FAM163B: variants seen among roughly 807,000 people sequenced by gnomAD.
FAM163B encodes protein FAM163B.
FAM163B carries 4 observed loss-of-function variants against 7.6 expected under a neutral mutation model. That is an observed-to-expected ratio of 0.52 (90% CI 0.26 to 1.20). FAM163B has a LOEUF of 1.20. FAM163B is among the 50% of genes most tolerant of loss of function. FAM163B has a pLI of 0.14. For missense variants in FAM163B, 250 were observed against 243.0 expected (o/e 1.03, Z -0.19); for synonymous variants, 120 against 111.6 (o/e 1.07, Z -0.47).
chr9:133,580,337 G>T, intron 1 of FAM163B, 91 bp from the exon 2 acceptor site: 2 of 1,022,338 alleles, frequency 2.0e-6, no homozygotes, highest in Non-Finnish European at 2.9e-6. Flanking sequence ...GACAAGCTGA[G>T]GGGAAAAAAG....
At position 133,579,166 on chromosome 9, in the gene FAM163B, C is replaced by T. The variant is rs763970379; in HGVS notation, c.357G>A (p.Glu119=). Residue 119 remains glutamate (E), a synonymous_variant, in exon 3 of 3, where the codon GAG becomes GAA. Coordinates refer to ENST00000673969, the MANE Select transcript of FAM163B (RefSeq NM_001080515.3). ...GGCTCACGCTCTTGTAGAGCACGCG[C>T]TCCCCGCCGTTCAGCACGTCCTCTT... ...EEEEDVLNGG[E]RVLYKSVSQE... is the part of the protein sequence containing the mutation. 1.8e-5 allele frequency: 29 copies of T among 1,610,820 alleles called. No individual in the cohort carries two copies. The highest frequency in any genetic ancestry group is 5.9e-6 in the Non-Finnish European group (7 of 1,179,794).
chr9:133,605,343 G>A (rs1225295496), intron 1 of FAM163B, among the ~76,000 whole-genome samples: 1 of 152,230 alleles, frequency 6.6e-6, no homozygotes, highest in Non-Finnish European at 1.5e-5. Flanking sequence ...AGCTACAGAA[G>A]CTGTGCTCTT....
intron 1 of FAM163B, among the ~76,000 whole-genome samples, chr9:133,603,070 G>A (rs997791038): frequency 1.3e-5 from 2 of 152,224 alleles, no homozygotes; most frequent in Admixed American, 6.5e-5. Flanking sequence ...GCAGGTGCTC[G>A]CCTTCGGATT....
intron 1 of FAM163B, among the ~76,000 whole-genome samples, chr9:133,603,010 G>C (rs371030485): frequency 2.0e-5 from 3 of 152,312 alleles, no homozygotes; most frequent in Non-Finnish European, 4.4e-5. Flanking sequence ...CAGGGCGGAG[G>C]GGGGGCCAGC....
intron 1 of FAM163B, among the ~76,000 whole-genome samples, chr9:133,602,369 T>C (rs1831741265): frequency 6.6e-6 from 1 of 152,190 alleles, no homozygotes; most frequent in South Asian, 2.1e-4. Flanking sequence ...GATTGAGCTG[T>C]GGGGTCCCAC....
intron 1 of FAM163B, among the ~76,000 whole-genome samples, chr9:133,581,749 C>G (rs1362303999): frequency 3.9e-5 from 6 of 152,208 alleles, no homozygotes; most frequent in Non-Finnish European, 5.9e-5. Context: ...ATCAGTGTTT[C>G]TCCTCTAAAC....
rs773430083 is a variant in FAM163B at position 133,579,162 on chromosome 9, C to T, written c.361G>A (p.Val121Met). 6.2e-6 allele frequency: 10 copies of T among 1,610,394 alleles called. No homozygotes were observed. The highest frequency in any genetic ancestry group is 2.7e-5 in the African/African-American group (2 of 74,908). Residue 121 changes from valine to methionine, a missense_variant, in exon 3 of 3, where the codon GTG becomes ATG. Physicochemically the swap from Val to Met is conservative, Grantham distance 21. Coordinates refer to ENST00000673969, the MANE Select transcript of FAM163B (RefSeq NM_001080515.3). ...EEDVLNGGER[V>M]LYKSVSQEDV... ...TCCTGGCTCACGCTCTTGTAGAGCA[C>T]GCGCTCCCCGCCGTTCAGCACGTCC...
intron 1 of FAM163B, among the ~76,000 whole-genome samples, chr9:133,584,269 T>C (rs6422851): frequency 2.6e-4 from 40 of 152,070 alleles, no homozygotes; most frequent in African/African-American, 8.9e-4. Context: ...ACCCCAGGAC[T>C]CTACTCAGCT....
chr9:133,590,344 G>A (rs894371507), intron 1 of FAM163B, among the ~76,000 whole-genome samples: 2 of 150,556 alleles, frequency 1.3e-5, no homozygotes, highest in African/African-American at 2.4e-5. Context: ...GAAGGCGGAC[G>A]GGAGGGAGGG....
chr9:133,582,104 G>A (rs1831364830), intron 1 of FAM163B, among the ~76,000 whole-genome samples: 1 of 152,136 alleles, frequency 6.6e-6, no homozygotes, highest in South Asian at 2.1e-4. Flanking sequence ...CCCTTTATCA[G>A]GGATCAGAAT....
In FAM163B at chr9:133,577,331, C is replaced by A. The variant is rs1209266043; in HGVS notation, c.*1691G>T. Among the ~76,000 whole-genome samples the A allele has an allele frequency of 1.5e-5, 2 of 136,706 alleles. No homozygotes were observed. The highest frequency in any genetic ancestry group is 3.1e-5 in the Non-Finnish European group (2 of 64,334). 89.7% of individuals were successfully genotyped at this position (136,706 alleles called of 152,430 possible). On this transcript the variant is annotated 3_prime_UTR_variant, in exon 3 of 3. Transcript: ENST00000673969. Reference sequence around the variant, plus strand: ...CATCAGAAACAGACTTCACAGGATGCACAGAGGAAGCCAGAGGTGTGGGCG... The same window carrying A: ...CATCAGAAACAGACTTCACAGGATGAACAGAGGAAGCCAGAGGTGTGGGCG...
intron 1 of FAM163B, among the ~76,000 whole-genome samples, chr9:133,603,010 G>A (rs371030485): frequency 3.3e-5 from 5 of 152,194 alleles, no homozygotes; most frequent in East Asian, 3.8e-4. Context: ...CAGGGCGGAG[G>A]GGGGGCCAGC....
In FAM163B at chr9:133,578,215, C is replaced by A. The variant is rs1318503679; in HGVS notation, c.*807G>T. On this transcript the variant is annotated 3_prime_UTR_variant, in exon 3 of 3. Coordinates refer to ENST00000673969, the MANE Select transcript of FAM163B (RefSeq NM_001080515.3). ...CCCGGGCTGCCTCCGTTCACTGCCGCTTGCTGGCCCTGTTTCTGGCTGAGC... is the reference window on the plus strand; with the variant it reads ...CCCGGGCTGCCTCCGTTCACTGCCGATTGCTGGCCCTGTTTCTGGCTGAGC... Among the ~76,000 whole-genome samples, 1 of 152,206 alleles carries A rather than the reference C, an allele frequency of 6.6e-6. No individual in the cohort carries two copies. The highest frequency in any genetic ancestry group is 1.5e-5 in the Non-Finnish European group (1 of 68,040).
rs757446375 is a variant in FAM163B, at chr9:133,606,282, C to T, written c.-24+2795G>A. On this transcript the variant is annotated intron_variant, in intron 1 of 2. Coordinates refer to ENST00000673969, the MANE Select transcript of FAM163B (RefSeq NM_001080515.3). The surrounding 1 kb of genome is among the most constrained non-coding windows in gnomAD (Gnocchi z 4.0). ...CCCCTCTCCAGCAACCCCCAGCAAG[C>T]GGGGATTGGGCCAAGGCCTGCGGGA... Among the ~76,000 whole-genome samples, 8 of 152,328 alleles carry T rather than the reference C, an allele frequency of 5.3e-5. No individual in the cohort carries two copies. The highest frequency in any genetic ancestry group is 2.1e-4 in the South Asian group (1 of 4,820).
At chr9:133,608,299 C>T (rs1357080982) in intron 1 of FAM163B, among the ~76,000 whole-genome samples, 2 of 152,222 alleles carry the variant, frequency 1.3e-5, no homozygotes, top group East Asian at 1.9e-4. Flanking sequence ...GGCAGGACCA[C>T]TTGTGCCCAG....
chr9:133,588,645 G>A (rs559856428), intron 1 of FAM163B, among the ~76,000 whole-genome samples: 1 of 149,790 alleles, frequency 6.7e-6, no homozygotes, highest in Non-Finnish European at 1.5e-5. Flanking sequence ...GATCTAGCAG[G>A]TTGAAGGATC....
Position 133,579,233 on chromosome 9 carries a change from C to CA in FAM163B, c.289dup (p.Cys97LeufsTer129). ...CTGCAGGAAGAAGGTGGGGGGCTCG[C>CA]AGTGGGAGCAGCTGCGGCAGAGGGC... is the stretch of plus-strand genomic sequence containing the variant. On this transcript the variant is annotated frameshift_variant, in exon 3 of 3. Transcript: ENST00000673969. LOFTEE classifies it high-confidence loss of function. 6.2e-7 allele frequency: 1 copy of CA among 1,611,908 alleles called. No homozygotes were observed. The highest frequency in any genetic ancestry group is 8.5e-7 in the Non-Finnish European group (1 of 1,179,742).
chr9:133,579,000 G>A lies in FAM163B; in HGVS notation c.*22C>T. The A allele has an allele frequency of 2.0e-6, 3 of 1,480,154 alleles. No homozygotes were observed. Among genetic ancestry groups the A allele is most frequent in the Middle Eastern group, 5.0e-4 (2 of 4,016 alleles). The allele number at this position is 1,480,154 out of a possible 1,614,324, so 91.7% of individuals were successfully genotyped here. On this transcript the variant is annotated 3_prime_UTR_variant, in exon 3 of 3. Coordinates refer to ENST00000673969, the MANE Select transcript of FAM163B (RefSeq NM_001080515.3). Reference sequence around the variant, plus strand: ...CATTGTCTCAGGACCTTCAAGGCCAGGATCCCGGGGGCGGGCCCAGGTCAC... The same window carrying A: ...CATTGTCTCAGGACCTTCAAGGCCAAGATCCCGGGGGCGGGCCCAGGTCAC...
At chr9:133,591,862 C>G (rs996042304) in intron 1 of FAM163B, among the ~76,000 whole-genome samples, 1 of 152,278 alleles carries the variant, frequency 6.6e-6, no homozygotes, top group Non-Finnish European at 1.5e-5. Flanking sequence ...GGGGACCGCT[C>G]TGGGGATGCA....
Sources: gnomAD v4.1 joint callset for allele counts (sites outside exome capture counted in the v4.1 genomes callset) on GRCh38, gnomAD v4.1.1 for gene constraint, Gnocchi (gnomAD v3.1) non-coding constraint, MANE v1.5 for transcripts, NCBI Gene and HGNC (gene_info 2026-07-23, HGNC 2026-07-21) for gene names.